Variants in KIAA1328 observed in about 807,000 individuals in gnomAD.
KIAA1328 encodes the protein KIAA1328, also known as protein hinderin.
KIAA1328 carries 52 observed loss-of-function variants against 68.1 expected under a neutral mutation model. The observed-to-expected ratio is 0.76, with a 90% CI of 0.61 to 0.96. The LOEUF (loss-of-function observed/expected upper bound fraction) is 0.96, where lower values mean the gene tolerates loss of function less well. KIAA1328 is among the 40% of genes least tolerant of loss of function. KIAA1328 has a pLI of 0.00. For missense variants in KIAA1328, 641 were observed against 677.6 expected (o/e 0.95, Z 0.60); for synonymous variants, 232 against 239.4 (o/e 0.97, Z 0.28).
At chr18:37,126,184 A>T (rs58109853) in intron 7 of KIAA1328, among the ~76,000 whole-genome samples, 1 of 152,164 alleles carries the variant, frequency 6.6e-6, no homozygotes, top group Non-Finnish European at 1.5e-5. Context: ...GTATATGTGA[A>T]CCATAAATGA....
chr18:36,942,022 G>A (rs2050732272), intron 5 of KIAA1328, among the ~76,000 whole-genome samples: 2 of 152,114 alleles, frequency 1.3e-5, no homozygotes, highest in South Asian at 4.1e-4. Flanking sequence ...ACTTTGCCTT[G>A]AAAAAACTGA....
At chr18:36,863,145 G>C (rs532885992) in intron 4 of KIAA1328, among the ~76,000 whole-genome samples, 1 of 151,844 alleles carries the variant, frequency 6.6e-6, no homozygotes, top group South Asian at 2.1e-4. Context: ...ATTTTTCCTA[G>C]AATAAAAGTT....
intron 6 of KIAA1328, among the ~76,000 whole-genome samples, chr18:37,041,950 G>A (rs56331183): frequency 0.14 from 20,718 of 152,076 alleles, 1,764 homozygotes; most frequent in Admixed American, 0.18. Flanking sequence ...GGAGTGCAGT[G>A]GTGCAATCAC....
At chr18:36,950,358 G>A (rs149168977) in intron 5 of KIAA1328, among the ~76,000 whole-genome samples, 108 of 152,168 alleles carry the variant, frequency 7.1e-4, no homozygotes, top group African/African-American at 2.3e-3. Flanking sequence ...CAAAACCAAC[G>A]TGAAAATTCA....
rs532053621 is a variant in KIAA1328, at chr18:37,167,477, G to A, written c.1415-5496G>A. Among the ~76,000 whole-genome samples, 13 of 152,248 alleles carry A rather than the reference G, an allele frequency of 8.5e-5. No homozygotes were observed. The South Asian group carries it at 2.3e-3, about 27-fold the overall frequency. On this transcript the variant is annotated intron_variant, in intron 8 of 9. Transcript: ENST00000280020. The stretch of plus-strand genomic sequence containing the variant: ...GTCAGAAGGGGGATGGAGTGGGAAG[G>A]TAGTTTTACCCTGGAGTTGGGCTGC...
chr18:36,909,360 C>T (rs1046309781), intron 5 of KIAA1328, among the ~76,000 whole-genome samples: 1 of 150,482 alleles, frequency 6.6e-6, no homozygotes, highest in African/African-American at 2.4e-5. Flanking sequence ...TCAATTCCCA[C>T]CTATGAATGA....
chr18:36,913,457 T>C (rs1184590863), intron 5 of KIAA1328, among the ~76,000 whole-genome samples: 3 of 148,706 alleles, frequency 2.0e-5, no homozygotes, highest in Admixed American at 6.8e-5. Context: ...CTTTCCTGGA[T>C]GTACAAAGGC....
intron 6 of KIAA1328, among the ~76,000 whole-genome samples, chr18:37,044,216 A>G (rs1173978334): frequency 6.6e-6 from 1 of 152,152 alleles, no homozygotes; most frequent in Admixed American, 6.5e-5. Context: ...AGGGAATTTT[A>G]GACTATTGAT....
chr18:37,033,026 AT>A (rs766789335), intron 6 of KIAA1328, among the ~76,000 whole-genome samples: 1 of 152,184 alleles, frequency 6.6e-6, no homozygotes, highest in Non-Finnish European at 1.5e-5. Context: ...GCTTACTCTT[AT>A]GATCTTTCTT....
downstream of KIAA1328, among the ~76,000 whole-genome samples, chr18:37,226,193 C>G (rs913258096): frequency 1.3e-5 from 2 of 152,148 alleles, no homozygotes; most frequent in Non-Finnish European, 2.9e-5. Context: ...CACCCAAGCC[C>G]AGTTTAAAGA....
chr18:37,034,253 A>AGGT (rs1480525701), intron 6 of KIAA1328, among the ~76,000 whole-genome samples: 1 of 152,212 alleles, frequency 6.6e-6, no homozygotes, highest in African/African-American at 2.4e-5. Context: ...TGTAATACAA[A>AGGT]AAAAGGTATA....
intron 7 of KIAA1328, among the ~76,000 whole-genome samples, chr18:37,131,900 A>G (rs2058531593): frequency 6.6e-6 from 1 of 152,224 alleles, no homozygotes; most frequent in Non-Finnish European, 1.5e-5. Flanking sequence ...ATGCCAGGGC[A>G]TACATAGCCC....
At chr18:37,027,599 C>G (rs576501136) in intron 6 of KIAA1328, among the ~76,000 whole-genome samples, 16 of 152,192 alleles carry the variant, frequency 1.1e-4, no homozygotes, top group Non-Finnish European at 1.9e-4. Context: ...ACAAACCTGA[C>G]AAAAACAAGA....
intron 6 of KIAA1328, among the ~76,000 whole-genome samples, chr18:37,009,440 C>T (rs2053897546): frequency 6.6e-6 from 1 of 152,062 alleles, no homozygotes; most frequent in African/African-American, 2.4e-5. Flanking sequence ...ACTGTTATTC[C>T]TCTTTTTGTC....
intron 8 of KIAA1328, among the ~76,000 whole-genome samples, chr18:37,163,016 A>G (rs1345401413): frequency 2.6e-5 from 4 of 152,214 alleles, no homozygotes; most frequent in African/African-American, 7.2e-5. Context: ...TTATTGAGCA[A>G]TGTCAAACAG....
At chr18:37,197,033 CCT>C (rs763778307) in intron 9 of KIAA1328, among the ~76,000 whole-genome samples, 43 of 151,570 alleles carry the variant, frequency 2.8e-4, no homozygotes, top group Admixed American at 5.9e-4. Flanking sequence ...TGTCCAGGAA[CCT>C]CTCTATTTCT....
downstream of KIAA1328, chr18:37,231,179 A>G (rs1313211567): frequency 2.0e-5 from 3 of 152,228 alleles, no homozygotes; most frequent in African/African-American, 7.2e-5. Context: ...AATCTGTCCC[A>G]TATTGCTCTG....
Position 36,930,249 on chromosome 18 carries a change from GTTCTGCA to G in KIAA1328, c.449-29039_449-29033del, listed in dbSNP as rs547022318. Among the ~76,000 whole-genome samples the G allele has an allele frequency of 2.6e-5, 4 of 152,162 alleles. No individual in the cohort carries two copies. In the South Asian group the frequency reaches 6.2e-4, roughly 24 times the overall value. ...GGCCTTTTCTTCCTCAGGGTTTCAGGTTCTGCATTCTGCATTCTGCATTCTGTCCTGT... is the reference window on the plus strand; with the variant it reads ...GGCCTTTTCTTCCTCAGGGTTTCAGGTTCTGCATTCTGCATTCTGTCCTGT... On this transcript the variant is annotated intron_variant, in intron 5 of 9. Transcript: ENST00000280020.
At chr18:36,852,341 A>T (rs928557427) in intron 4 of KIAA1328, among the ~76,000 whole-genome samples, 2 of 152,136 alleles carry the variant, frequency 1.3e-5, no homozygotes, top group African/African-American at 4.8e-5. Context: ...AGGCTGAAAG[A>T]ATGAGGGTCA....
Sources: gnomAD v4.1 joint callset for allele counts (sites outside exome capture counted in the v4.1 genomes callset) on GRCh38, gnomAD v4.1.1 for gene constraint, MANE v1.5 for transcripts, NCBI Gene and HGNC (gene_info 2026-07-23, HGNC 2026-07-21) for gene names.